Variants in ACSS1 observed in about 807,000 individuals in gnomAD.
The protein encoded by ACSS1 is acetyl-coenzyme A synthetase 2-like, mitochondrial.
In ACSS1, 42 loss-of-function variants were observed where a neutral mutation model predicts 75.3. The observed-to-expected ratio is 0.56, with a 90% CI of 0.44 to 0.72. The LOEUF is 0.72. Ranked by LOEUF, ACSS1 falls within the 30% of genes least tolerant of loss-of-function variation. The pLI, the probability that ACSS1 is intolerant of heterozygous loss-of-function variation, is 0.00. For synonymous variants in ACSS1, 380 were observed against 376.8 expected, an observed-to-expected ratio of 1.01 and a Z score of -0.10; for missense variants, 782 against 935.7, an observed-to-expected ratio of 0.84 and a Z score of 2.14.
chr20:25,025,556 G>T (rs996475371), intron 3 of ACSS1, among the ~76,000 whole-genome samples: 5 of 152,322 alleles, frequency 3.3e-5, no homozygotes, highest in Admixed American at 3.3e-4. Flanking sequence ...GGGGTTCTCT[G>T]TTAGAGTCTC....
Position 25,048,174 on chromosome 20 carries a change from G to T in ACSS1, c.342C>A (p.Cys114Ter). ...LGGQLNVSVN[C>*]LDQHVRKSPE... Reference sequence around the variant, plus strand: ...GGGACTTCCGAACATGCTGGTCCAAGCAGTTGACTGTACAAAAAGAGGGTT... The same window carrying T: ...GGGACTTCCGAACATGCTGGTCCAATCAGTTGACTGTACAAAAAGAGGGTT... The change falls in exon 2 of 14, where the codon TGC becomes TGA. Residue 114 changes from cysteine to a stop codon, truncating the protein, a stop_gained. Coordinates refer to ENST00000323482, the MANE Select transcript of ACSS1 (RefSeq NM_032501.4). LOFTEE classifies it high-confidence loss of function. The T allele has an allele frequency of 6.2e-7, 1 of 1,612,832 alleles. No homozygotes were observed.
chr20:25,010,463 G>A (rs928266436), intron 12 of ACSS1: 6 of 152,252 alleles, frequency 3.9e-5, no homozygotes, highest in Non-Finnish European at 7.3e-5. Flanking sequence ...GCTATGATCT[G>A]TAAAGACCTA....
At chr20:25,013,851 C>A in intron 9 of ACSS1, 110 bp downstream of exon 9, 1 of 1,356,568 alleles carries the variant, frequency 7.4e-7, no homozygotes, top group Non-Finnish European at 1.0e-6. Context: ...GCAAGGTCAG[C>A]AGCCTCCTGC....
chr20:25,014,030 C>T lies in ACSS1; in HGVS notation c.1383G>A (p.Gly461=), dbSNP rs1445200669. 6.2e-7 allele frequency: 1 copy of T among 1,613,418 alleles called. No homozygotes were observed. The highest frequency in any genetic ancestry group is 8.5e-7 in the Non-Finnish European group (1 of 1,179,834). The change falls in exon 9 of 14, where the codon GGG becomes GGA. Residue 461 remains glycine (G), a synonymous_variant. Transcript: ENST00000323482. ...TCGCCATGGCAGGGAGGATTTCCGC[C>T]CCTTCTTCCGAGGGCCGTGGTGCGA... ...ICIAPRPSEE[G]AEILPAMAMR...
chr20:25,045,633 C>T (rs1302375177), intron 2 of ACSS1, among the ~76,000 whole-genome samples: 4 of 152,234 alleles, frequency 2.6e-5, no homozygotes, highest in Non-Finnish European at 4.4e-5. Context: ...CTAGGCACCT[C>T]GAGTGCTGTG....
chr20:25,034,934 C>G (rs559624104), intron 2 of ACSS1, among the ~76,000 whole-genome samples: 1 of 151,694 alleles, frequency 6.6e-6, no homozygotes, highest in East Asian at 1.9e-4. Flanking sequence ...GCTCTGTTGC[C>G]GAGGCTGGAG....
intron 13 of ACSS1, among the ~76,000 whole-genome samples, chr20:25,008,614 T>C (rs542980398): frequency 1.3e-5 from 2 of 152,072 alleles, no homozygotes; most frequent in African/African-American, 2.4e-5. Flanking sequence ...GCGCGCAATG[T>C]TCATAAAGGA....
intron 3 of ACSS1, among the ~76,000 whole-genome samples, chr20:25,024,715 C>A (rs1002734448): frequency 6.6e-5 from 10 of 152,224 alleles, no homozygotes; most frequent in African/African-American, 1.4e-4. Flanking sequence ...GCCTCAATGT[C>A]CCCTCTGGGA....
chr20:25,053,267 C>T (rs2089201355), intron 1 of ACSS1, among the ~76,000 whole-genome samples: 1 of 147,228 alleles, frequency 6.8e-6, no homozygotes, highest in Non-Finnish European at 1.5e-5. Context: ...GTTCTCACTA[C>T]GTTGCCAGGC....
At chr20:25,025,141 C>T (rs530226074) in intron 3 of ACSS1, among the ~76,000 whole-genome samples, 16 of 152,352 alleles carry the variant, frequency 1.1e-4, no homozygotes, top group African/African-American at 3.8e-4. Context: ...GGGTCAGAAG[C>T]TCTCACGATA....
chr20:25,051,514 A>G (rs2089174264), intron 1 of ACSS1, among the ~76,000 whole-genome samples: 1 of 152,130 alleles, frequency 6.6e-6, no homozygotes. Context: ...TCCCCAGAGG[A>G]CGTGTTAGCT....
At chr20:25,013,889 G>C in intron 9 of ACSS1, 72 bp downstream of exon 9, 2 of 1,493,372 alleles carry the variant, frequency 1.3e-6, no homozygotes, top group South Asian at 1.2e-5. Flanking sequence ...ACACAGGAGA[G>C]AGCTGGGCTG....
intron 2 of ACSS1, among the ~76,000 whole-genome samples, chr20:25,043,164 C>A (rs537417155): frequency 6.4e-4 from 97 of 152,190 alleles, no homozygotes; most frequent in African/African-American, 2.1e-3. Context: ...ACCAGTCCCC[C>A]ACTCCTGCCT....
Position 25,023,507 on chromosome 20 carries a change from T to G in ACSS1, c.766A>C (p.Asn256His). The G allele has an allele frequency of 6.2e-7, 1 of 1,614,172 alleles. No individual in the cohort carries two copies. Among genetic ancestry groups the G allele is most frequent in the Non-Finnish European group, 8.5e-7 (1 of 1,180,030 alleles). The change falls in exon 4 of 14, where the codon AAC (asparagine) becomes CAC (histidine). Residue 256 changes from asparagine to histidine, a missense_variant. By Grantham distance (68) the Asn-to-His change is moderately conservative. This residue lies in a region of ACSS1 where 377 missense variants were observed against 383.1 expected (regional missense o/e 0.98). Coordinates refer to ENST00000323482, the MANE Select transcript of ACSS1 (RefSeq NM_032501.4). ...TCCAGATCCCCCATGTGGACCTTGT[T>G]GTCTGTCCTGTGAGCCACCAGGACA... ...QHVLVAHRTD[N>H]KVHMGDLDVP...
intron 7 of ACSS1, among the ~76,000 whole-genome samples, chr20:25,016,617 G>A (rs1387527765): frequency 6.6e-6 from 1 of 152,196 alleles, no homozygotes; most frequent in Non-Finnish European, 1.5e-5. Flanking sequence ...ATCAGTGCTG[G>A]CCACATTGGC....
In ACSS1 at chr20:25,012,841, G is replaced by T; in HGVS notation, c.1678C>A (p.Leu560Met). 6.2e-7 allele frequency: 1 copy of T among 1,614,194 alleles called. No individual in the cohort carries two copies. Among genetic ancestry groups the T allele is most frequent in the Non-Finnish European group, 8.5e-7 (1 of 1,180,042 alleles). The change falls in exon 11 of 14, where the codon CTG (leucine) becomes ATG (methionine). Residue 560 changes from leucine to methionine, a missense_variant. By Grantham distance (15) the Leu-to-Met change is conservative. Transcript: ENST00000323482. Reference sequence around the variant, plus strand: ...GCGTCCTCAATCTCTGCGGTCCCCAGCCGGTGGCCACTGATGTTGATGACA... The same window carrying T: ...GCGTCCTCAATCTCTGCGGTCCCCATCCGGTGGCCACTGATGTTGATGACA... ...DDVINISGHR[L>M]GTAEIEDAIA...
At chr20:25,042,419 G>A (rs1034226929) in intron 2 of ACSS1, among the ~76,000 whole-genome samples, 1 of 152,112 alleles carries the variant, frequency 6.6e-6, no homozygotes, top group Admixed American at 6.5e-5. Flanking sequence ...CCTCTCAGGT[G>A]GGGCAGCTAG....
Position 25,012,893 on chromosome 20 carries a change from A to G in ACSS1, c.1626T>C (p.Tyr542=). ...CATCCATCCGCCCTGTGATCTGGTA[A>G]TAGCCGCCCTCAGTTCGGTAAGCCC... ...GDGAYRTEGG[Y]YQITGRMDDV... The change falls in exon 11 of 14, where the codon TAT becomes TAC. Residue 542 remains tyrosine (Y), a synonymous_variant. Coordinates refer to ENST00000323482, the MANE Select transcript of ACSS1 (RefSeq NM_032501.4). The G allele has an allele frequency of 6.2e-7, 1 of 1,614,200 alleles. No individual in the cohort carries two copies. Among genetic ancestry groups the G allele is most frequent in the Non-Finnish European group, 8.5e-7 (1 of 1,180,046 alleles).
chr20:25,024,629 G>A (rs2088684261), intron 3 of ACSS1, among the ~76,000 whole-genome samples: 1 of 152,174 alleles, frequency 6.6e-6, no homozygotes, highest in Non-Finnish European at 1.5e-5. Context: ...CCTTTGCATG[G>A]AGCCATTTGA....
Sources: gnomAD v4.1 joint callset for allele counts (sites outside exome capture counted in the v4.1 genomes callset) on GRCh38, gnomAD v4.1.1 for gene constraint, gnomAD v4.1.1 regional missense constraint, MANE v1.5 for transcripts, NCBI Gene and HGNC (gene_info 2026-07-23, HGNC 2026-07-21) for gene names.